SLIT3: variants seen among roughly 807,000 people sequenced by gnomAD.
SLIT3 encodes slit guidance ligand 3, also known as slit homolog 3 protein.
Under a neutral mutation model 184.0 loss-of-function variants are expected in SLIT3, and 68 were observed. That is an observed-to-expected ratio of 0.37 (90% CI 0.30 to 0.45). The LOEUF (loss-of-function observed/expected upper bound fraction) is 0.45, where lower values mean the gene tolerates loss of function less well. SLIT3 is among the 20% of genes least tolerant of loss of function. The pLI is 1.00. For missense variants in SLIT3, 1,707 were observed against 2,026.0 expected, an observed-to-expected ratio of 0.84 and a Z score of 3.02; for synonymous variants, 831 against 828.6, an observed-to-expected ratio of 1.00 and a Z score of -0.05.
At chr5:169,039,439 C>T (rs371457512) in intron 4 of SLIT3, among the ~76,000 whole-genome samples, 51 of 151,726 alleles carry the variant, frequency 3.4e-4, no homozygotes, top group African/African-American at 1.2e-3. Context: ...GCCTCAGCCT[C>T]CTGAGTAGCT....
chr5:168,851,159 T>G (rs2113727935), intron 5 of SLIT3, among the ~76,000 whole-genome samples: 1 of 151,968 alleles, frequency 6.6e-6, no homozygotes, highest in East Asian at 1.9e-4. Context: ...CGATCTCTAC[T>G]GAAAATACAA....
At chr5:169,105,047 G>T (rs1760152841) in intron 4 of SLIT3, among the ~76,000 whole-genome samples, 1 of 152,310 alleles carries the variant, frequency 6.6e-6, no homozygotes, top group East Asian at 1.9e-4. Context: ...GGAAGAATGG[G>T]TTTTTAATAC....
intron 1 of SLIT3, among the ~76,000 whole-genome samples, chr5:169,253,271 G>C (rs1417351657): frequency 6.6e-6 from 1 of 152,186 alleles, no homozygotes; most frequent in East Asian, 1.9e-4. Flanking sequence ...ATGCAACCAA[G>C]GGTTTAATTA....
At position 169,224,389 on chromosome 5, in the gene SLIT3, T is replaced by A. The variant is rs553779647; in HGVS notation, c.341+20316A>T. Among the ~76,000 whole-genome samples, 41 of 151,912 alleles carry A rather than the reference T, an allele frequency of 2.7e-4. 1 individual carries two copies. Among genetic ancestry groups the A allele is most frequent in the Non-Finnish European group, 4.1e-4 (28 of 67,950 alleles). ...TTATTATTTATTTATTTATTTATTT[T>A]TTTTGAGACTAGGTCTTGCTCAGTC... On this transcript the variant is annotated intron_variant, in intron 3 of 35. Transcript: ENST00000519560.
At chr5:169,244,028 G>A (rs1765492700) in intron 3 of SLIT3, among the ~76,000 whole-genome samples, 1 of 152,242 alleles carries the variant, frequency 6.6e-6, no homozygotes. Flanking sequence ...TAATCCAAGA[G>A]TTTTCTGCAA....
At chr5:168,764,722 T>C (rs1206110961) in intron 14 of SLIT3, among the ~76,000 whole-genome samples, 1 of 152,128 alleles carries the variant, frequency 6.6e-6, no homozygotes, top group Non-Finnish European at 1.5e-5. Flanking sequence ...CCTTCTCTGC[T>C]CTCTCTCCAT....
chr5:169,300,664 G>T lies in SLIT3; in HGVS notation c.46C>A (p.Leu16Met). The T allele has an allele frequency of 7.0e-7, 1 of 1,424,424 alleles. No homozygotes were observed. Among genetic ancestry groups the T allele is most frequent in the Non-Finnish European group, 9.1e-7 (1 of 1,097,128 alleles). The allele number at this position is 1,424,424 out of a possible 1,614,324, so 88.2% of individuals were successfully genotyped here. A position where few individuals can be genotyped will look rare whatever the true frequency, so the allele number is the denominator to read the frequency against. The change falls in exon 1 of 36, where the codon CTG (leucine) becomes ATG (methionine). Residue 16 changes from leucine to methionine, a missense_variant. Coordinates refer to ENST00000519560, the MANE Select transcript of SLIT3 (RefSeq NM_003062.4). The surrounding 1 kb of genome is among the most constrained non-coding windows in gnomAD (Gnocchi z 4.1). ...AGVGAAVRAR[L>M]ALALALASVL... The stretch of plus-strand genomic sequence containing the variant: ...CTCGCCAGCGCCAAGGCCAGCGCCA[G>T]GCGGGCGCGCACGGCGGCGCCGACC...
chr5:168,684,160 C>A, intron 31 of SLIT3, 64 bp from the exon 32 acceptor site: 1 of 1,427,330 alleles, frequency 7.0e-7, no homozygotes, highest in Non-Finnish European at 9.3e-7. Flanking sequence ...CCCTGCCCAT[C>A]TCACAGAGCC....
chr5:168,776,179 G>A (rs1755740493), intron 12 of SLIT3, among the ~76,000 whole-genome samples: 1 of 152,188 alleles, frequency 6.6e-6, no homozygotes, highest in Non-Finnish European at 1.5e-5. Flanking sequence ...GTTGGCAACG[G>A]TGGGGCTGCC....
intron 26 of SLIT3, 66 bp downstream of exon 26, chr5:168,707,910 C>G: frequency 6.2e-7 from 1 of 1,601,002 alleles, no homozygotes; most frequent in Non-Finnish European, 8.5e-7. Flanking sequence ...TGGTGCCCCT[C>G]TCTAGGGCCA....
At chr5:168,948,164 C>T (rs1762545799) in intron 4 of SLIT3, among the ~76,000 whole-genome samples, 1 of 152,160 alleles carries the variant, frequency 6.6e-6, no homozygotes, top group African/African-American at 2.4e-5. Flanking sequence ...GCCACACTTT[C>T]CCTTCTCTGC....
intron 6 of SLIT3, among the ~76,000 whole-genome samples, chr5:168,836,368 G>C (rs1294944073): frequency 6.6e-6 from 1 of 152,170 alleles, no homozygotes; most frequent in Non-Finnish European, 1.5e-5. Context: ...GCCCCTGCTG[G>C]GAGCTGAGGG....
At chr5:168,800,343 TG>T (rs1448743609) in intron 9 of SLIT3, among the ~76,000 whole-genome samples, 7 of 152,230 alleles carry the variant, frequency 4.6e-5, no homozygotes, top group Non-Finnish European at 7.3e-5. Context: ...CCCAGCACTT[TG>T]GGAGGCTGAG....
At chr5:169,220,928 T>A (rs1764599713) in intron 3 of SLIT3, among the ~76,000 whole-genome samples, 1 of 152,214 alleles carries the variant, frequency 6.6e-6, no homozygotes, top group Non-Finnish European at 1.5e-5. Context: ...CAGCCCCTTC[T>A]GGCATCTGAC....
At chr5:168,670,645 C>T (rs1054491361) in intron 34 of SLIT3, among the ~76,000 whole-genome samples, 2 of 152,160 alleles carry the variant, frequency 1.3e-5, no homozygotes, top group Non-Finnish European at 2.9e-5. Flanking sequence ...ATTCCTGATC[C>T]AAAAAATCAT....
At chr5:168,768,061 A>C (rs1252095693) in intron 14 of SLIT3, 1 of 377,786 alleles carries the variant, frequency 2.6e-6, no homozygotes, top group Non-Finnish European at 5.4e-6. Context: ...AGACTGGGAG[A>C]GGTGGGTCTG....
chr5:168,843,015 A>G (rs1011322733), intron 6 of SLIT3, among the ~76,000 whole-genome samples: 1 of 152,198 alleles, frequency 6.6e-6, no homozygotes, highest in Non-Finnish European at 1.5e-5. Context: ...TTGGGCTGGC[A>G]TCCTCTCTCT....
intron 4 of SLIT3, among the ~76,000 whole-genome samples, chr5:169,007,936 C>G (rs1755993148): frequency 1.3e-5 from 2 of 152,216 alleles, no homozygotes; most frequent in Non-Finnish European, 2.9e-5. Flanking sequence ...AAACAGAGAT[C>G]TCCTTGCAAA....
intron 4 of SLIT3, among the ~76,000 whole-genome samples, chr5:168,997,252 G>A (rs1237735975): frequency 6.6e-6 from 1 of 152,138 alleles, no homozygotes; most frequent in African/African-American, 2.4e-5. Flanking sequence ...GCTCCCTGGG[G>A]ATTTGGAGGG....
Sources: gnomAD v4.1 joint callset for allele counts (sites outside exome capture counted in the v4.1 genomes callset) on GRCh38, gnomAD v4.1.1 for gene constraint, Gnocchi (gnomAD v3.1) non-coding constraint, MANE v1.5 for transcripts, NCBI Gene and HGNC (gene_info 2026-07-23, HGNC 2026-07-21) for gene names.